Variants in MPI observed in about 807,000 individuals in gnomAD.
MPI encodes mannose-6-phosphate isomerase.
In MPI, 33 loss-of-function variants were observed where a neutral mutation model predicts 40.1. That is an observed-to-expected ratio of 0.82 (90% CI 0.62 to 1.10). The LOEUF is 1.10. Among genes scored for constraint, MPI ranks in the 50% least tolerant of loss-of-function variants. MPI has a pLI of 0.00. For synonymous variants in MPI, 187 were observed against 207.4 expected, an observed-to-expected ratio of 0.90 and a Z score of 0.85; for missense variants, 514 against 524.1, an observed-to-expected ratio of 0.98 and a Z score of 0.19.
intron 2 of MPI, chr15:74,890,872 T>C: frequency 3.0e-6 from 2 of 676,374 alleles, no homozygotes; most frequent in Non-Finnish European, 5.3e-6. Flanking sequence ...CAACCACTCT[T>C]AGCACTTAGT....
intron 5 of MPI, 162 bp downstream of exon 5, chr15:74,893,482 T>C (rs1469580116): frequency 2.6e-6 from 2 of 758,006 alleles, no homozygotes; most frequent in African/African-American, 1.7e-5. Context: ...TTGCCTAGTC[T>C]TTGTGGAGCA....
intron 7 of MPI, 70 bp from the exon 8 acceptor site, chr15:74,897,442 C>G: frequency 6.7e-7 from 1 of 1,501,536 alleles, no homozygotes. Context: ...GCCCTGGGGA[C>G]TGTCCTGGGC....
intron 7 of MPI, 65 bp from the exon 8 acceptor site, chr15:74,897,447 C>G (rs2064837816): frequency 2.0e-6 from 3 of 1,537,618 alleles, no homozygotes; most frequent in Non-Finnish European, 2.7e-6. Context: ...GGGGACTGTC[C>G]TGGGCCCATG....
chr15:74,890,874 G>A, intron 2 of MPI: 1 of 676,188 alleles, frequency 1.5e-6, no homozygotes, highest in South Asian at 1.6e-5. Flanking sequence ...ACCACTCTTA[G>A]CACTTAGTGA....
intron 2 of MPI, chr15:74,891,177 C>T: frequency 1.6e-6 from 1 of 638,298 alleles, no homozygotes; most frequent in Admixed American, 2.5e-5. Context: ...TCATAGATGG[C>T]TAGAGGCCGA....
chr15:74,899,065 C>T lies in MPI; in HGVS notation c.*1335C>T, dbSNP rs977315650. 3.9e-5 allele frequency: 6 copies of T among 152,190 alleles called. No homozygotes were observed. The highest frequency in any genetic ancestry group is 1.4e-4 in the African/African-American group (6 of 41,446). 9.4% of individuals were successfully genotyped at this position (152,190 alleles called of 1,614,324 possible). ...TTGCAGATTACAGGGACTCAGGAAC[C>T]GAATTAGACAATTTTCATGGCGAGG... On this transcript the variant is annotated 3_prime_UTR_variant, in exon 8 of 8. Transcript: ENST00000352410.
chr15:74,890,722 T>G, intron 2 of MPI, 68 bp downstream of exon 2: 2 of 1,603,290 alleles, frequency 1.2e-6, no homozygotes, highest in Non-Finnish European at 8.5e-7. Flanking sequence ...AGGCAAGTCA[T>G]AAGAATCAGC....
intron 2 of MPI, 49 bp from the exon 3 acceptor site, chr15:74,891,330 G>T: frequency 6.3e-7 from 1 of 1,575,310 alleles, no homozygotes; most frequent in Non-Finnish European, 8.7e-7. Context: ...GCCAACTCAG[G>T]GTGGCAGGTT....
chr15:74,894,087 TGTGTGTGTGTG>T lies in MPI; in HGVS notation c.670+768_670+778del, dbSNP rs1374666828. On this transcript the variant is annotated intron_variant, in intron 5 of 7. Transcript: ENST00000352410. ...GTGTGTGTGTGTGTGTGTGTGTGTG[TGTGTGTGTGTG>T]TGTGTGTGTGGTCTCTTTCTGTTGC... Among the ~76,000 whole-genome samples the T allele has an allele frequency of 6.3e-3, 381 of 60,834 alleles. 32 individuals carry two copies. Among genetic ancestry groups the T allele is most frequent in the East Asian group, 0.049 (54 of 1,100 alleles). The allele number at this position is 60,834 out of a possible 152,430, so 39.9% of individuals were successfully genotyped here. A position where few individuals can be genotyped will look rare whatever the true frequency, so the allele number is the denominator to read the frequency against.
chr15:74,897,432 G>A lies in MPI; in HGVS notation c.1054-80G>A, dbSNP rs896987515. ...AGAAGGTGGCAGAGCTCTCCCTCGT[G>A]CCCTGGGGACTGTCCTGGGCCCATG... On this transcript the variant is annotated intron_variant, in intron 7 of 7. Coordinates refer to ENST00000352410, the MANE Select transcript of MPI (RefSeq NM_002435.3). The A allele has an allele frequency of 1.4e-5, 21 of 1,451,660 alleles. No individual in the cohort carries two copies. The African/African-American group carries it at 2.5e-4, about 17-fold the overall frequency. The allele number at this position is 1,451,660 out of a possible 1,614,324, so 89.9% of individuals were successfully genotyped here. A position where few individuals can be genotyped will look rare whatever the true frequency, so the allele number is the denominator to read the frequency against.
At position 74,890,643 on chromosome 15, in the gene MPI, C is replaced by T. The variant is rs1221660842; in HGVS notation, c.133C>T (p.Pro45Ser). The T allele has an allele frequency of 1.2e-6, 2 of 1,613,784 alleles. No homozygotes were observed. Among genetic ancestry groups the T allele is most frequent in the Non-Finnish European group, 1.7e-6 (2 of 1,180,046 alleles). ...DPLAQIAEDK[P>S]YAELWMGTHP... ...ACTGGCCCAGATCGCAGAGGACAAG[C>T]CTTATGCAGAGGTGAGCCCCGGGCT... Residue 45 changes from proline to serine, a missense_variant, in exon 2 of 8, where the codon CCT becomes TCT. Coordinates refer to ENST00000352410, the MANE Select transcript of MPI (RefSeq NM_002435.3).
chr15:74,892,864 T>C lies in MPI; in HGVS notation c.487+62T>C, dbSNP rs774339361. The C allele has an allele frequency of 1.4e-4, 220 of 1,611,750 alleles. 1 individual carries two copies. Among genetic ancestry groups the C allele is most frequent in the Non-Finnish European group, 1.7e-4 (201 of 1,178,498 alleles). On this transcript the variant is annotated intron_variant, in intron 4 of 7. Transcript: ENST00000352410. ...GCCAGGGATACCTGGGGAACCAAGA[T>C]GATAGGAACAGTGGCTGAGAACGGG...
chr15:74,901,691 C>G lies in MPI; in HGVS notation c.*3961C>G, dbSNP rs532903386. On this transcript the variant is annotated 3_prime_UTR_variant, in exon 8 of 8. Transcript: ENST00000352410. ...CCACACAGCTGTATACCCACTCTCA[C>G]GAGTCCATTGCTACTTCTCAAAAGT... is the stretch of plus-strand genomic sequence containing the variant. The G allele has an allele frequency of 9.6e-5, 15 of 155,900 alleles. No individual in the cohort carries two copies. Among genetic ancestry groups the G allele is most frequent in the Non-Finnish European group, 1.8e-4 (13 of 70,614 alleles). 9.7% of individuals were successfully genotyped at this position (155,900 alleles called of 1,614,324 possible).
intron 7 of MPI, 123 bp downstream of exon 7, chr15:74,897,342 G>C: frequency 7.4e-7 from 1 of 1,355,524 alleles, no homozygotes; most frequent in Non-Finnish European, 1.0e-6. Flanking sequence ...GGTGGCCCCA[G>C]GGCCTGCCCA....
At chr15:74,896,483 GGAT>G (rs1200867628) in intron 6 of MPI, 158 bp downstream of exon 6, 1 of 793,280 alleles carries the variant, frequency 1.3e-6, no homozygotes, top group Admixed American at 2.0e-5. Context: ...CAGCTGGTAG[GGAT>G]GATGAATGCA....
chr15:74,890,534 A>G lies in MPI; in HGVS notation c.24A>G (p.Pro8=), dbSNP rs759794349. MAAPRVF[P]LSCAVQQYAW... is the part of the protein sequence containing the mutation. ...CCCTGTCTGTGCCCCTAGTATTCCC[A>G]CTTTCCTGTGCGGTGCAGCAGTATG... Residue 8 remains proline (P), a synonymous_variant, in exon 2 of 8, where the codon CCA becomes CCG. Coordinates refer to ENST00000352410, the MANE Select transcript of MPI (RefSeq NM_002435.3). 1 of 1,614,068 alleles carries G rather than the reference A, an allele frequency of 6.2e-7. No individual in the cohort carries two copies. The highest frequency in any genetic ancestry group is 1.1e-5 in the South Asian group (1 of 91,080).
chr15:74,896,648 G>A (rs1462672440), intron 6 of MPI: 5 of 610,500 alleles, frequency 8.2e-6, no homozygotes, highest in Admixed American at 2.9e-5. Context: ...TTGTATGTCT[G>A]TCCTACCTAC....
At chr15:74,897,372 C>G (rs968287856) in intron 7 of MPI, 140 bp from the exon 8 acceptor site, 4 of 1,285,268 alleles carry the variant, frequency 3.1e-6, no homozygotes, top group South Asian at 1.2e-5. Flanking sequence ...GTACCAGGGA[C>G]CAGGCCTCTA....
In MPI at chr15:74,890,218, G is replaced by A. The variant is rs114815504; in HGVS notation, c.16+129G>A. The A allele has an allele frequency of 2.4e-3, 3,249 of 1,359,938 alleles. 51 individuals are homozygous for A. In the African/African-American group the frequency reaches 0.038, roughly 16 times the overall value. 84.2% of individuals were successfully genotyped at this position (1,359,938 alleles called of 1,614,324 possible). A position where few individuals can be genotyped will look rare whatever the true frequency, so the allele number is the denominator to read the frequency against. The stretch of plus-strand genomic sequence containing the variant: ...GAAAGATGGGTGGGTGCCGGGCAGA[G>A]GTGTGGCCACCTGCGATGGGGATTG... On this transcript the variant is annotated intron_variant, in intron 1 of 7. Coordinates refer to ENST00000352410, the MANE Select transcript of MPI (RefSeq NM_002435.3).
Sources: gnomAD v4.1 joint callset for allele counts (sites outside exome capture counted in the v4.1 genomes callset) on GRCh38, gnomAD v4.1.1 for gene constraint, MANE v1.5 for transcripts, NCBI Gene and HGNC (gene_info 2026-07-23, HGNC 2026-07-21) for gene names.